PCDHA7: variants seen among roughly 807,000 people sequenced by gnomAD.
PCDHA7 encodes the protein protocadherin alpha 7.
A neutral mutation model predicts 57.2 loss-of-function variants in PCDHA7; 37 were observed. The ratio of observed to expected loss-of-function variants is 0.65; its 90% CI spans 0.50 to 0.85. The LOEUF is 0.85. PCDHA7 is among the 40% of genes least tolerant of loss of function. The pLI is 0.00. For missense variants in PCDHA7, 1,188 were observed against 1,241.8 expected (o/e 0.96, Z 0.65); for synonymous variants, 553 against 558.8 (o/e 0.99, Z 0.15).
At chr5:140,877,376 G>C in intron 1 of PCDHA7, 1 of 1,614,014 alleles carries the variant, frequency 6.2e-7, no homozygotes, top group South Asian at 1.1e-5. Flanking sequence ...AGCACGACAC[G>C]CATCCTGGAT....
Position 140,938,896 on chromosome 5 carries a change from C to T in PCDHA7, c.2356-40053C>T, listed in dbSNP as rs188490743. 3.9e-5 allele frequency among the ~76,000 whole-genome samples: 6 copies of T among 152,036 alleles called. 1 individual carries two copies. The East Asian group carries it at 1.2e-3, about 29-fold the overall frequency. The stretch of plus-strand genomic sequence containing the variant: ...GAAGCAACACACACACACACAGATG[C>T]GCACACACACACACGCACAAGAAAT... On this transcript the variant is annotated intron_variant, in intron 1 of 3. Transcript: ENST00000525929.
At chr5:140,932,946 G>A (rs1554209125) in intron 1 of PCDHA7, among the ~76,000 whole-genome samples, 1 of 151,982 alleles carries the variant, frequency 6.6e-6, no homozygotes, top group East Asian at 1.9e-4. Flanking sequence ...TGGAATGAAG[G>A]TGGACTAAAT....
At chr5:140,842,503 C>T (rs2150337582) in intron 1 of PCDHA7, 40 of 1,613,818 alleles carry the variant, frequency 2.5e-5, no homozygotes, top group South Asian at 2.0e-4. Context: ...CCCATGTCCC[C>T]TTCAAGCTGG....
chr5:140,981,861 A>G (rs1554243465), intron 2 of PCDHA7, among the ~76,000 whole-genome samples: 1 of 152,126 alleles, frequency 6.6e-6, no homozygotes, highest in Non-Finnish European at 1.5e-5. Context: ...ACTCCCAGCA[A>G]TGTTTTATGC....
intron 1 of PCDHA7, chr5:140,869,236 G>C (rs781873875): frequency 1.2e-6 from 2 of 1,613,674 alleles, no homozygotes; most frequent in South Asian, 2.2e-5. Flanking sequence ...CGGCACCTTC[G>C]TGGGCCGCAT....
Position 141,010,042 on chromosome 5 carries a change from T to C in PCDHA7, c.*105T>C. 6.3e-7 allele frequency: 1 copy of C among 1,594,374 alleles called. No homozygotes were observed. The highest frequency in any genetic ancestry group is 8.5e-7 in the Non-Finnish European group (1 of 1,171,086). ...TTTTTCCTATCTACATGAGCCCTCT[T>C]AGAGACCTCAGAAATCTGCAGAAAG... On this transcript the variant is annotated 3_prime_UTR_variant, in exon 4 of 4. Transcript: ENST00000525929.
Position 141,010,026 on chromosome 5 carries a change from T to C in PCDHA7, c.*89T>C. On this transcript the variant is annotated 3_prime_UTR_variant, in exon 4 of 4. Transcript: ENST00000525929. ...AGCAATTCCCTGCTCCTTTTTCCTA[T>C]CTACATGAGCCCTCTTAGAGACCTC... 1 of 1,574,670 alleles carries C rather than the reference T, an allele frequency of 6.4e-7. No homozygotes were observed. The highest frequency in any genetic ancestry group is 8.6e-7 in the Non-Finnish European group (1 of 1,164,154).
intron 1 of PCDHA7, among the ~76,000 whole-genome samples, chr5:140,886,844 A>AAAAG (rs1232979230): frequency 8.6e-5 from 13 of 150,634 alleles, no homozygotes; most frequent in African/African-American, 1.2e-4. Flanking sequence ...AAAAAAAAAA[A>AAAAG]AAAGAAAGGT....
At chr5:140,841,383 T>C (rs1554138141) in intron 1 of PCDHA7, 11 of 1,613,486 alleles carry the variant, frequency 6.8e-6, no homozygotes, top group Non-Finnish European at 8.5e-6. Context: ...CTTCTGCTCC[T>C]CGCAGCCTGG....
Position 140,862,422 on chromosome 5 carries a change from A to G in PCDHA7, c.2355+25684A>G, listed in dbSNP as rs76178077. On this transcript the variant is annotated intron_variant, in intron 1 of 3. Transcript: ENST00000525929. Reference sequence around the variant, plus strand: ...TGTCTACCTTCAAAAGGCGCTGCCCAGAAACTATTCGTTGGTACTCCACAG... The same window carrying G: ...TGTCTACCTTCAAAAGGCGCTGCCCGGAAACTATTCGTTGGTACTCCACAG... The G allele has an allele frequency of 2.5e-3, 872 of 353,812 alleles. 5 individuals are homozygous for G. Among genetic ancestry groups the G allele is most frequent in the African/African-American group, 0.018 (823 of 46,772 alleles). The allele number at this position is 353,812 out of a possible 1,614,324, so 21.9% of individuals were successfully genotyped here.
chr5:141,011,822 A>G lies in PCDHA7; in HGVS notation c.*1885A>G, dbSNP rs181852141. 7 of 153,844 alleles carry G rather than the reference A, an allele frequency of 4.6e-5. No homozygotes were observed. The highest frequency in any genetic ancestry group is 1.4e-4 in the African/African-American group (6 of 41,546). The allele number at this position is 153,844 out of a possible 1,614,324, so 9.5% of individuals were successfully genotyped here. A position where few individuals can be genotyped will look rare whatever the true frequency, so the allele number is the denominator to read the frequency against. On this transcript the variant is annotated 3_prime_UTR_variant, in exon 4 of 4. Transcript: ENST00000525929. ...ATATCAGCTCATAGAAAGTAACAAA[A>G]TTTGCTGTCACCTTAAATAAGACAT...
chr5:140,856,398 A>G, intron 1 of PCDHA7: 1 of 1,598,482 alleles, frequency 6.3e-7, no homozygotes, highest in Non-Finnish European at 8.6e-7. Flanking sequence ...CAGGTTTTCC[A>G]TGTGGACGTG....
At chr5:140,964,425 A>C (rs1440321322) in intron 1 of PCDHA7, among the ~76,000 whole-genome samples, 1 of 152,178 alleles carries the variant, frequency 6.6e-6, no homozygotes, top group East Asian at 1.9e-4. Context: ...TCCATTAAAA[A>C]ATTACCAAGC....
chr5:140,874,500 C>T (rs1241228989), intron 1 of PCDHA7, among the ~76,000 whole-genome samples: 1 of 152,220 alleles, frequency 6.6e-6, no homozygotes, highest in African/African-American at 2.4e-5. Context: ...ATCAAGTTCA[C>T]ATTCTCTTGA....
Position 140,949,361 on chromosome 5 carries a change from G to C in PCDHA7, c.2356-29588G>C, listed in dbSNP as rs150004166. 4.9e-3 allele frequency among the ~76,000 whole-genome samples: 749 copies of C among 151,546 alleles called. 8 individuals are homozygous for C. The highest frequency in any genetic ancestry group is 0.017 in the African/African-American group (722 of 41,420). On this transcript the variant is annotated intron_variant, in intron 1 of 3. Coordinates refer to ENST00000525929, the MANE Select transcript of PCDHA7 (RefSeq NM_018910.3). ...AGATTTTCTGTGTCTTTATTTTTTT[G>C]TCTAGTTGTCCTATCAATTGCTCAG...
chr5:140,884,590 C>T, intron 1 of PCDHA7: 1 of 1,614,182 alleles, frequency 6.2e-7, no homozygotes, highest in Non-Finnish European at 8.5e-7. Flanking sequence ...CCTTCAGTCC[C>T]AGCCTTCCTC....
At chr5:141,002,557 CAGTT>C (rs2098085452) in intron 3 of PCDHA7, among the ~76,000 whole-genome samples, 1 of 152,180 alleles carries the variant, frequency 6.6e-6, no homozygotes, top group South Asian at 2.1e-4. Flanking sequence ...CAGGATCCAC[CAGTT>C]AGTGACCATG....
intron 1 of PCDHA7, among the ~76,000 whole-genome samples, chr5:140,962,085 C>T (rs565561726): frequency 2.0e-5 from 3 of 151,950 alleles, no homozygotes; most frequent in Non-Finnish European, 4.4e-5. Context: ...CGGGGTTTCA[C>T]CATGTTAGCC....
At chr5:140,907,406 A>G (rs2073359357) in intron 1 of PCDHA7, among the ~76,000 whole-genome samples, 1 of 152,216 alleles carries the variant, frequency 6.6e-6, no homozygotes, top group African/African-American at 2.4e-5. Context: ...TGTGTGGAAT[A>G]CCACGATGGT....
Sources: allele counts gnomAD v4.1 joint callset (sites outside exome capture counted in the v4.1 genomes callset), GRCh38; gene constraint gnomAD v4.1.1; transcripts MANE v1.5; gene names NCBI Gene and HGNC (gene_info 2026-07-23, HGNC 2026-07-21).